CDS2: variants seen among roughly 807,000 people sequenced by gnomAD.
The protein encoded by CDS2 is CDP-diacylglycerol synthase 2.
CDS2 carries 47 observed loss-of-function variants against 59.0 expected under a neutral mutation model. The ratio of observed to expected loss-of-function variants is 0.80; its 90% confidence interval spans 0.63 to 1.02. The LOEUF is 1.02. Among genes scored for constraint, CDS2 ranks in the 50% least tolerant of loss-of-function variants. CDS2 has a pLI of 0.00. For synonymous variants in CDS2, 207 were observed against 206.4 expected, an observed-to-expected ratio of 1.00 and a Z score of -0.02; for missense variants, 356 against 558.9, an observed-to-expected ratio of 0.64 and a Z score of 3.66.
At chr20:5,172,842 CT>C (rs1176187152) in intron 1 of CDS2, among the ~76,000 whole-genome samples, 3 of 152,180 alleles carry the variant, frequency 2.0e-5, no homozygotes, top group Non-Finnish European at 4.4e-5. Context: ...TCCCTTGATA[CT>C]TTGGGTAAAG....
intron 1 of CDS2, among the ~76,000 whole-genome samples, chr20:5,171,994 T>A (rs775894184): frequency 6.6e-6 from 1 of 152,226 alleles, no homozygotes; most frequent in Non-Finnish European, 1.5e-5. Context: ...GTTTTGTTTT[T>A]CTGTTTTGCT....
chr20:5,173,527 C>CA lies in CDS2; in HGVS notation c.63dup (p.Glu22ArgfsTer15), dbSNP rs1266337655. 1.2e-6 allele frequency: 2 copies of CA among 1,614,136 alleles called. No individual in the cohort carries two copies. The highest frequency in any genetic ancestry group is 1.7e-6 in the Non-Finnish European group (2 of 1,179,986). ...TTCTGTATTTCTGCCACTTAGGAGT[C>CA]AGAGTCAGAAGCAAAGGTAGATGGA... is the stretch of plus-strand genomic sequence containing the variant. On this transcript the variant is annotated frameshift_variant, in exon 2 of 13. Transcript: ENST00000460006. LOFTEE classifies it high-confidence loss of function.
chr20:5,173,228 T>G (rs936938419), intron 1 of CDS2, among the ~76,000 whole-genome samples: 1 of 152,340 alleles, frequency 6.6e-6, no homozygotes, highest in East Asian at 1.9e-4. Context: ...TTTGCATTCT[T>G]TGGATACAAA....
chr20:5,173,527 C>A lies in CDS2; in HGVS notation c.62C>A (p.Ser21Ter). Residue 21 changes from serine to a stop codon, truncating the protein, a stop_gained, in exon 2 of 13, where the codon TCA becomes TAA. Transcript: ENST00000460006. LOFTEE classifies it high-confidence loss of function. Reference protein sequence around the residue: ...EPVAPPEDKESESEAKVDGET... With the variant: ...EPVAPPEDKE ...TTCTGTATTTCTGCCACTTAGGAGT[C>A]AGAGTCAGAAGCAAAGGTAGATGGA... The A allele has an allele frequency of 1.2e-6, 2 of 1,614,136 alleles. No homozygotes were observed. Among genetic ancestry groups the A allele is most frequent in the Non-Finnish European group, 1.7e-6 (2 of 1,179,986 alleles).
intron 1 of CDS2, among the ~76,000 whole-genome samples, chr20:5,132,758 A>G (rs571162634): frequency 1.6e-4 from 24 of 152,342 alleles, no homozygotes; most frequent in African/African-American, 5.5e-4. Context: ...CTCAAACAGT[A>G]TGATTTTATT....
intron 1 of CDS2, among the ~76,000 whole-genome samples, chr20:5,160,619 G>A (rs980655536): frequency 2.0e-5 from 3 of 152,088 alleles, no homozygotes; most frequent in African/African-American, 4.8e-5. Flanking sequence ...CATTGAGTAC[G>A]TTAACATTGT....
At chr20:5,137,853 C>T (rs544640321) in intron 1 of CDS2, among the ~76,000 whole-genome samples, 3 of 151,722 alleles carry the variant, frequency 2.0e-5, no homozygotes, top group South Asian at 2.1e-4. Flanking sequence ...GGCTGGAGTA[C>T]AGTGGCACGA....
intron 1 of CDS2, among the ~76,000 whole-genome samples, chr20:5,156,278 G>A (rs1036399124): frequency 5.9e-5 from 9 of 152,120 alleles, no homozygotes; most frequent in Non-Finnish European, 8.8e-5. Context: ...ACAGTGATGC[G>A]GACAGTGTTT....
intron 1 of CDS2, among the ~76,000 whole-genome samples, chr20:5,144,555 C>T (rs553542159): frequency 6.6e-6 from 1 of 152,274 alleles, no homozygotes; most frequent in African/African-American, 2.4e-5. Context: ...GCTTTGGAGA[C>T]TACATATCTC....
chr20:5,149,872 C>T (rs931653429), intron 1 of CDS2, among the ~76,000 whole-genome samples: 4 of 151,976 alleles, frequency 2.6e-5, no homozygotes, highest in African/African-American at 7.3e-5. Flanking sequence ...CCTGCCACCA[C>T]GCCTGGCTAA....
intron 11 of CDS2, 93 bp downstream of exon 11, chr20:5,189,279 G>T: frequency 7.1e-7 from 1 of 1,408,860 alleles, no homozygotes; most frequent in South Asian, 1.2e-5. Context: ...ATACTAGGCT[G>T]TACACCCTGG....
chr20:5,133,719 T>G (rs957441950), intron 1 of CDS2, among the ~76,000 whole-genome samples: 1 of 152,152 alleles, frequency 6.6e-6, no homozygotes, highest in African/African-American at 2.4e-5. Flanking sequence ...GAGATGGGGT[T>G]TCTCCATGTT....
rs2091052667 is a variant in CDS2, at chr20:5,184,454, G to A, written c.672-404G>A. Among the ~76,000 whole-genome samples, 4 of 152,206 alleles carry A rather than the reference G, an allele frequency of 2.6e-5. 1 individual carries two copies. The South Asian group carries it at 8.3e-4, about 31-fold the overall frequency. ...TTAAAGCATACTATTTAGAATTGGG[G>A]AGGTAACCACTAGAAAAATAAAAAT... On this transcript the variant is annotated intron_variant, in intron 7 of 12. Coordinates refer to ENST00000460006, the MANE Select transcript of CDS2 (RefSeq NM_003818.4). This position sits in a 1 kb window ranked among gnomAD's most constrained non-coding sequence, Gnocchi z 4.3.
intron 9 of CDS2, among the ~76,000 whole-genome samples, chr20:5,186,260 G>A (rs1266186095): frequency 6.6e-6 from 1 of 152,194 alleles, no homozygotes; most frequent in East Asian, 1.9e-4. Flanking sequence ...CTGCCCTTCA[G>A]TGCTCACCGC....
intron 1 of CDS2, among the ~76,000 whole-genome samples, chr20:5,152,595 T>G (rs2090801431): frequency 6.6e-6 from 1 of 152,070 alleles, no homozygotes; most frequent in Admixed American, 6.5e-5. Flanking sequence ...TACAAAAAAT[T>G]AGCCAGGCAT....
At chr20:5,135,485 C>T (rs1052393089) in intron 1 of CDS2, among the ~76,000 whole-genome samples, 4 of 152,114 alleles carry the variant, frequency 2.6e-5, no homozygotes, top group Admixed American at 6.5e-5. Context: ...AGAAAAGAGA[C>T]GGACACTGAC....
In CDS2 at chr20:5,148,842, A is replaced by G. The variant is rs990505574; in HGVS notation, c.57+21693A>G. ...TTTCTCTTGAACAGTTGCTATTTCT[A>G]TCTCCTGTCTGTTCCACAGAATTCT... On this transcript the variant is annotated intron_variant, in intron 1 of 12. Transcript: ENST00000460006. Among the ~76,000 whole-genome samples the G allele has an allele frequency of 2.6e-5, 4 of 151,928 alleles. No individual in the cohort carries two copies. The East Asian group carries it at 5.8e-4, about 22-fold the overall frequency.
At position 5,190,260 on chromosome 20, in the gene CDS2, G is replaced by A. The variant is rs202125562; in HGVS notation, c.*26G>A. The A allele has an allele frequency of 1.9e-6, 3 of 1,605,448 alleles. No individual in the cohort carries two copies. Among genetic ancestry groups the A allele is most frequent in the East Asian group, 4.5e-5 (2 of 44,572 alleles). ...GGGCCACCCAGGGCCAGGAGAACAG[G>A]AACAGAACTGAGCAGGGGCAGGTCT... is the stretch of plus-strand genomic sequence containing the variant. On this transcript the variant is annotated 3_prime_UTR_variant, in exon 13 of 13. Transcript: ENST00000460006.
intron 1 of CDS2, among the ~76,000 whole-genome samples, chr20:5,142,102 C>A (rs2090699199): frequency 6.6e-6 from 1 of 152,108 alleles, no homozygotes; most frequent in Non-Finnish European, 1.5e-5. Context: ...TGGCTTGAGG[C>A]CAGGAGTTCA....
Sources: gnomAD v4.1 joint callset for allele counts (sites outside exome capture counted in the v4.1 genomes callset) on GRCh38, gnomAD v4.1.1 for gene constraint, Gnocchi (gnomAD v3.1) non-coding constraint, MANE v1.5 for transcripts, NCBI Gene and HGNC (gene_info 2026-07-23, HGNC 2026-07-21) for gene names.